POMK: variants seen among roughly 807,000 people sequenced by gnomAD.
POMK encodes Sugen kinase 196.
Under a neutral mutation model 23.0 loss-of-function variants are expected in POMK, and 19 were observed. The ratio of observed to expected loss-of-function variants is 0.83; its 90% CI spans 0.58 to 1.21. The LOEUF is 1.21. Ranked by LOEUF, POMK falls within the 50% of genes most tolerant of loss-of-function variation. The probability of loss-of-function intolerance (pLI) is 0.00; values close to 1 mark genes in which losing one functional copy is unlikely to be tolerated. For missense variants in POMK, 410 were observed against 431.3 expected (o/e 0.95, Z 0.44); for synonymous variants, 173 against 171.6 (o/e 1.01, Z -0.06).
chr8:43,096,342 T>A (rs938602590), intron 1 of POMK, among the ~76,000 whole-genome samples: 7 of 152,018 alleles, frequency 4.6e-5, no homozygotes, highest in African/African-American at 1.7e-4. Flanking sequence ...TTAAGCAAGG[T>A]GGGATCAGAT....
chr8:43,100,863 C>T (rs1188839501), intron 2 of POMK, among the ~76,000 whole-genome samples: 2 of 151,886 alleles, frequency 1.3e-5, no homozygotes, highest in African/African-American at 2.4e-5. Context: ...GTGAGGTGCA[C>T]GTGTGTCCCT....
At chr8:43,115,590 C>G (rs1355263310) in intron 4 of POMK, among the ~76,000 whole-genome samples, 1 of 152,140 alleles carries the variant, frequency 6.6e-6, no homozygotes, top group Non-Finnish European at 1.5e-5. Context: ...GCACCAGGAC[C>G]CAGCCCAGCC....
chr8:43,112,729 T>C lies in POMK; in HGVS notation c.282+8899T>C, dbSNP rs538741399. 2.5e-3 allele frequency among the ~76,000 whole-genome samples: 382 copies of C among 152,318 alleles called. 2 individuals carry two copies. The highest frequency in any genetic ancestry group is 0.011 in the South Asian group (52 of 4,824). On this transcript the variant is annotated intron_variant, in intron 4 of 4. Coordinates refer to ENST00000331373, the MANE Select transcript of POMK (RefSeq NM_032237.5). The stretch of plus-strand genomic sequence containing the variant: ...ATAGCGGATCTCTCAGCAGAAACTC[T>C]ACAAGCCAGAAGAGAGTGGGGGCCA...
chr8:43,112,054 A>G (rs941617936), intron 4 of POMK, among the ~76,000 whole-genome samples: 1 of 152,172 alleles, frequency 6.6e-6, no homozygotes, highest in African/African-American at 2.4e-5. Flanking sequence ...GCAATGGAAC[A>G]AAACTGGACG....
In POMK at chr8:43,122,837, T is replaced by G. The variant is rs200555259; in HGVS notation, c.1013T>G (p.Leu338Arg). 965 of 1,613,350 alleles carry G rather than the reference T, an allele frequency of 6.0e-4. 1 individual carries two copies. Among genetic ancestry groups the G allele is most frequent in the Admixed American group, 2.5e-3 (147 of 59,948 alleles). Reference protein sequence around the residue: ...LETYQKVLDTLRDAMMSQARE... With the variant: ...LETYQKVLDTRRDAMMSQARE... The stretch of plus-strand genomic sequence containing the variant: ...ACCTACCAGAAGGTCTTGGATACAC[T>G]TAGAGATGCCATGATGTCTCAGGCA... Residue 338 changes from leucine (L) to arginine (R), a missense_variant, in exon 5 of 5, where the codon CTT becomes CGT. By Grantham distance (102) the Leu-to-Arg change is moderately radical. Coordinates refer to ENST00000331373, the MANE Select transcript of POMK (RefSeq NM_032237.5).
intron 2 of POMK, among the ~76,000 whole-genome samples, chr8:43,099,746 GT>G (rs954924456): frequency 1.3e-5 from 2 of 152,216 alleles, no homozygotes; most frequent in African/African-American, 4.8e-5. Context: ...CTCGGGGCCA[GT>G]TTCATGGTAA....
chr8:43,115,021 C>A (rs538855907), intron 4 of POMK, among the ~76,000 whole-genome samples: 2 of 152,320 alleles, frequency 1.3e-5, no homozygotes, highest in South Asian at 4.1e-4. Context: ...AGCTTGGATC[C>A]TGTCAGAAGA....
intron 4 of POMK, among the ~76,000 whole-genome samples, chr8:43,111,697 C>G (rs1406418929): frequency 6.6e-6 from 1 of 152,194 alleles, no homozygotes; most frequent in Non-Finnish European, 1.5e-5. Context: ...ACACCTCACA[C>G]GGCCAGGTAC....
chr8:43,097,651 G>C (rs968493771), intron 2 of POMK, 36 bp downstream of exon 2: 7 of 152,228 alleles, frequency 4.6e-5, no homozygotes, highest in African/African-American at 1.4e-4. Flanking sequence ...GCGGGGTGGA[G>C]GGGAAGGGCA....
intron 4 of POMK, among the ~76,000 whole-genome samples, chr8:43,121,789 G>C (rs1375970334): frequency 2.4e-4 from 37 of 152,226 alleles, no homozygotes; most frequent in Non-Finnish European, 2.9e-5. Context: ...TGAATCTGCA[G>C]GTCCCCCTCG....
At chr8:43,114,879 AT>A (rs1489174310) in intron 4 of POMK, among the ~76,000 whole-genome samples, 1 of 152,176 alleles carries the variant, frequency 6.6e-6, no homozygotes, top group Non-Finnish European at 1.5e-5. Context: ...TGGAATGTAG[AT>A]TTGGGGCAAC....
At chr8:43,098,619 G>T (rs1563335492) in intron 2 of POMK, among the ~76,000 whole-genome samples, 5 of 152,128 alleles carry the variant, frequency 3.3e-5, no homozygotes, top group Non-Finnish European at 1.5e-5. Context: ...GTTTTCATAG[G>T]TACATACTGG....
intron 4 of POMK, among the ~76,000 whole-genome samples, chr8:43,114,776 T>G (rs562737852): frequency 1.3e-5 from 2 of 152,232 alleles, no homozygotes; most frequent in Non-Finnish European, 2.9e-5. Flanking sequence ...TTGAGATTTT[T>G]AAACCCAAGA....
At chr8:43,114,740 TTCGGCCA>T (rs1811758386) in intron 4 of POMK, among the ~76,000 whole-genome samples, 1 of 152,240 alleles carries the variant, frequency 6.6e-6, no homozygotes, top group African/African-American at 2.4e-5. Flanking sequence ...GCTGTTCCTA[TTCGGCCA>T]TCTTGCCCCT....
chr8:43,110,086 A>G (rs1233748031), intron 4 of POMK, among the ~76,000 whole-genome samples: 1 of 152,266 alleles, frequency 6.6e-6, no homozygotes, highest in East Asian at 1.9e-4. Flanking sequence ...CATTTAAAAC[A>G]GTCCGTTAAC....
intron 4 of POMK, among the ~76,000 whole-genome samples, chr8:43,117,603 A>C (rs1278830475): frequency 1.3e-5 from 2 of 152,246 alleles, no homozygotes. Context: ...CAAGGCAGAC[A>C]ACCCTATAGA....
chr8:43,120,784 T>G (rs957402455), intron 4 of POMK, among the ~76,000 whole-genome samples: 3 of 152,038 alleles, frequency 2.0e-5, no homozygotes, highest in African/African-American at 7.2e-5. Flanking sequence ...TTCAAGTGAT[T>G]CTCCTGCCTC....
chr8:43,110,753 G>C (rs566917262), intron 4 of POMK, among the ~76,000 whole-genome samples: 27 of 152,198 alleles, frequency 1.8e-4, no homozygotes, highest in African/African-American at 6.0e-4. Flanking sequence ...ATCTCTATTA[G>C]AAATACTAAT....
chr8:43,111,745 G>A (rs1406047095), intron 4 of POMK, among the ~76,000 whole-genome samples: 1 of 152,210 alleles, frequency 6.6e-6, no homozygotes, highest in Non-Finnish European at 1.5e-5. Flanking sequence ...CGATCGGGCA[G>A]CAGCATTTGC....
Sources: allele counts gnomAD v4.1 joint callset (sites outside exome capture counted in the v4.1 genomes callset), GRCh38; gene constraint gnomAD v4.1.1; transcripts MANE v1.5; gene names NCBI Gene and HGNC (gene_info 2026-07-23, HGNC 2026-07-21).